The following PYGB variants were observed in gnomAD, a reference collection of about 807,000 sequenced individuals.
PYGB encodes the protein glycogen phosphorylase, brain form.
In PYGB, 82 loss-of-function variants were observed where a neutral mutation model predicts 94.3. The observed-to-expected ratio is 0.87, with a 90% CI of 0.73 to 1.04. The LOEUF (loss-of-function observed/expected upper bound fraction) is 1.04. Among genes scored for constraint, PYGB ranks in the 50% least tolerant of loss-of-function variants. The pLI is 0.00. For synonymous variants in PYGB, 488 were observed against 479.1 expected (o/e 1.02, Z -0.24); for missense variants, 1,132 against 1,158.2 (o/e 0.98, Z 0.33).
chr20:25,248,521 T>C (rs1300506185), intron 1 of PYGB, 100 bp downstream of exon 1: 3 of 1,235,676 alleles, frequency 2.4e-6, no homozygotes, highest in Non-Finnish European at 3.0e-6. Flanking sequence ...CGTCGGGCGT[T>C]ACCTGCGCCC....
At chr20:25,291,895 T>G (rs73612665) in intron 16 of PYGB, among the ~76,000 whole-genome samples, 14,859 of 152,144 alleles carry the variant, frequency 0.098, 1,241 homozygotes, top group African/African-American at 0.23. Context: ...TGACCAGTCC[T>G]GAGGGACAGG....
intron 8 of PYGB, among the ~76,000 whole-genome samples, chr20:25,278,798 G>A (rs536521222): frequency 6.6e-6 from 1 of 152,330 alleles, no homozygotes; most frequent in African/African-American, 2.4e-5. Context: ...CTCCCCTCCG[G>A]CTGCAGCACA....
chr20:25,270,303 G>A (rs1351339292), intron 3 of PYGB, among the ~76,000 whole-genome samples: 3 of 149,852 alleles, frequency 2.0e-5, no homozygotes, highest in South Asian at 4.2e-4. Flanking sequence ...CCGGTTTCAC[G>A]CCATTCTCCT....
intron 13 of PYGB, 95 bp downstream of exon 13, chr20:25,283,372 C>T: frequency 9.1e-7 from 1 of 1,094,326 alleles, no homozygotes; most frequent in Non-Finnish European, 1.3e-6. Context: ...CAGCACAGGT[C>T]CTGGGGTACC....
In PYGB at chr20:25,296,350, T is replaced by C; in HGVS notation, c.2380-20T>C. The C allele has an allele frequency of 6.2e-7, 1 of 1,613,764 alleles. No individual in the cohort carries two copies. The highest frequency in any genetic ancestry group is 1.1e-5 in the South Asian group (1 of 91,088). ...CAAGCCCTGTGACGCCAGAGACTAA[T>C]TTCATCTCCTTCCCTGCAGAACCCC... On this transcript the variant is annotated intron_variant, in intron 19 of 19. Transcript: ENST00000216962.
intron 17 of PYGB, 47 bp from the exon 18 acceptor site, chr20:25,294,111 G>A (rs745311653): frequency 1.2e-6 from 2 of 1,601,258 alleles, no homozygotes; most frequent in African/African-American, 1.3e-5. Context: ...CTCCAAGGTG[G>A]CCCACCTGGG....
At chr20:25,284,281 G>T in intron 14 of PYGB, 30 bp downstream of exon 14, 1 of 1,600,792 alleles carries the variant, frequency 6.2e-7, no homozygotes, top group Non-Finnish European at 8.5e-7. Context: ...GCATGACCGC[G>T]CTGTGGGGCC....
At chr20:25,250,045 T>G (rs1485467566) in intron 1 of PYGB, among the ~76,000 whole-genome samples, 1 of 152,140 alleles carries the variant, frequency 6.6e-6, no homozygotes, top group Non-Finnish European at 1.5e-5. Flanking sequence ...GAGACGGGGT[T>G]TCACCATGTT....
Position 25,259,218 on chromosome 20 carries a change from C to T in PYGB, c.244-19C>T, listed in dbSNP as rs199590906. The T allele has an allele frequency of 4.7e-4, 734 of 1,549,688 alleles. No homozygotes were observed. The highest frequency in any genetic ancestry group is 6.1e-4 in the Non-Finnish European group (685 of 1,122,038). On this transcript the variant is annotated intron_variant, in intron 1 of 19. Coordinates refer to ENST00000216962, the MANE Select transcript of PYGB (RefSeq NM_002862.4). ...GTAGAATGGAATGAGAAATCTTATT[C>T]TTTCTTCTGCTTCCTCAGCGCATTT... is the stretch of plus-strand genomic sequence containing the variant.
intron 15 of PYGB, among the ~76,000 whole-genome samples, chr20:25,290,255 TG>T (rs2088453887): frequency 1.3e-5 from 2 of 152,210 alleles, no homozygotes; most frequent in South Asian, 4.1e-4. Flanking sequence ...AAACCAGACT[TG>T]AGGCGGACAC....
intron 18 of PYGB, among the ~76,000 whole-genome samples, chr20:25,295,242 C>T (rs2088522309): frequency 1.3e-5 from 2 of 152,258 alleles, no homozygotes; most frequent in Admixed American, 1.3e-4. Flanking sequence ...GCAAGTGCCC[C>T]CTGCCCTGAG....
chr20:25,269,065 C>A, intron 2 of PYGB, 64 bp from the exon 3 acceptor site: 1 of 1,357,138 alleles, frequency 7.4e-7, no homozygotes, highest in Non-Finnish European at 1.1e-6. Flanking sequence ...ACACATCTTT[C>A]AGCCTGTCAT....
chr20:25,254,633 TA>T (rs1000004955), intron 1 of PYGB, among the ~76,000 whole-genome samples: 1 of 152,182 alleles, frequency 6.6e-6, no homozygotes, highest in Non-Finnish European at 1.5e-5. Context: ...TACAAACAGT[TA>T]AAATGAAAGA....
chr20:25,295,514 G>GCCTGGCCT, intron 18 of PYGB, 90 bp from the exon 19 acceptor site: 3 of 1,430,174 alleles, frequency 2.1e-6, no homozygotes, highest in Non-Finnish European at 3.0e-6. Flanking sequence ...GGTGGATGGT[G>GCCTGGCCT]CCTGGCCTCC....
intron 1 of PYGB, among the ~76,000 whole-genome samples, chr20:25,252,783 T>C (rs1185205413): frequency 6.6e-6 from 1 of 152,188 alleles, no homozygotes; most frequent in Non-Finnish European, 1.5e-5. Flanking sequence ...GTTGGGGATT[T>C]TATGGAGGCC....
chr20:25,270,151 C>T (rs538245477), intron 3 of PYGB, among the ~76,000 whole-genome samples: 1 of 151,566 alleles, frequency 6.6e-6, no homozygotes, highest in South Asian at 2.1e-4. Flanking sequence ...TACTAGTGTT[C>T]CAGGTGGGTG....
At chr20:25,292,339 A>G in intron 16 of PYGB, 67 bp from the exon 17 acceptor site, 1 of 1,560,518 alleles carries the variant, frequency 6.4e-7, no homozygotes. Flanking sequence ...CTTGTCCTGC[A>G]GTGAGCCTTG....
intron 1 of PYGB, among the ~76,000 whole-genome samples, chr20:25,254,465 G>A (rs2092897517): frequency 1.3e-5 from 2 of 152,122 alleles, no homozygotes; most frequent in African/African-American, 4.8e-5. Context: ...CACCCATGCA[G>A]AATGGCATTC....
At chr20:25,280,685 G>A (rs992938720) in intron 10 of PYGB, among the ~76,000 whole-genome samples, 8 of 152,194 alleles carry the variant, frequency 5.3e-5, no homozygotes, top group Non-Finnish European at 8.8e-5. Context: ...TCCCTGGGCC[G>A]GGCTGGGCCC....
Sources: allele counts gnomAD v4.1 joint callset (sites outside exome capture counted in the v4.1 genomes callset), GRCh38; gene constraint gnomAD v4.1.1; transcripts MANE v1.5; gene names NCBI Gene and HGNC (gene_info 2026-07-23, HGNC 2026-07-21).